Variants in KLF12 observed in about 807,000 individuals in gnomAD.
KLF12 encodes the protein Krueppel-like factor 12.
A neutral mutation model predicts 37.8 loss-of-function variants in KLF12; 9 were observed. The ratio of observed to expected loss-of-function variants is 0.24; its 90% confidence interval spans 0.14 to 0.42. KLF12 has a LOEUF of 0.42. Among genes scored for constraint, KLF12 ranks in the 10% least tolerant of loss-of-function variants. KLF12 has a pLI of 1.00. For missense variants in KLF12, 411 were observed against 516.0 expected (o/e 0.80, Z 1.97); for synonymous variants, 208 against 202.1 (o/e 1.03, Z -0.25).
Position 73,834,673 on chromosome 13 carries a change from G to A in KLF12, c.670+11154C>T, listed in dbSNP as rs549185012. 6.6e-5 allele frequency among the ~76,000 whole-genome samples: 10 copies of A among 152,234 alleles called. No homozygotes were observed. In the South Asian group the frequency reaches 1.7e-3, roughly 25 times the overall value. On this transcript the variant is annotated intron_variant, in intron 4 of 7. Coordinates refer to ENST00000377669, the MANE Select transcript of KLF12 (RefSeq NM_007249.5). ...TTACAAGGCGTATGCCACCATGCCCGGCTAATTTTTGTATTCTTCGTAGAG... is the reference window on the plus strand; with the variant it reads ...TTACAAGGCGTATGCCACCATGCCCAGCTAATTTTTGTATTCTTCGTAGAG...
chr13:73,807,789 C>T (rs898488902), intron 5 of KLF12, among the ~76,000 whole-genome samples: 1 of 152,132 alleles, frequency 6.6e-6, no homozygotes, highest in Non-Finnish European at 1.5e-5. Flanking sequence ...TCTTTTCCTC[C>T]ACCTTTCACC....
intron 1 of KLF12, among the ~76,000 whole-genome samples, chr13:74,108,234 T>C (rs920495751): frequency 1.3e-5 from 2 of 152,062 alleles, no homozygotes; most frequent in Non-Finnish European, 2.9e-5. Flanking sequence ...TTTGTCTAAA[T>C]AAACCATATA....
At chr13:74,056,697 C>A (rs749773672) in intron 1 of KLF12, among the ~76,000 whole-genome samples, 17 of 152,152 alleles carry the variant, frequency 1.1e-4, no homozygotes, top group Non-Finnish European at 2.2e-4. Context: ...TTACAGTAAA[C>A]CCCAACTCAT....
chr13:73,777,642 A>G (rs1417552349), intron 5 of KLF12, among the ~76,000 whole-genome samples: 1 of 151,750 alleles, frequency 6.6e-6, no homozygotes, highest in East Asian at 1.9e-4. Flanking sequence ...CGGTAGGCAG[A>G]GGTTGCGGTG....
intron 1 of KLF12, among the ~76,000 whole-genome samples, chr13:74,044,917 A>T (rs1445976986): frequency 6.6e-6 from 1 of 152,200 alleles, no homozygotes; most frequent in Non-Finnish European, 1.5e-5. Flanking sequence ...GCAACAAAAT[A>T]AAGTTGTACT....
At chr13:73,794,277 A>G (rs1490906882) in intron 5 of KLF12, among the ~76,000 whole-genome samples, 3 of 152,220 alleles carry the variant, frequency 2.0e-5, no homozygotes, top group Non-Finnish European at 2.9e-5. Flanking sequence ...CCTGGCCAAC[A>G]TGGCGAAACC....
intron 1 of KLF12, among the ~76,000 whole-genome samples, chr13:74,108,704 TAGAGA>T (rs1439826105): frequency 1.3e-5 from 2 of 152,138 alleles, no homozygotes; most frequent in South Asian, 2.1e-4. Flanking sequence ...TAAAGTAAAC[TAGAGA>T]AAAGTTATTT....
chr13:73,833,734 A>C (rs147170321), intron 4 of KLF12, among the ~76,000 whole-genome samples: 394 of 152,300 alleles, frequency 2.6e-3, no homozygotes, highest in Non-Finnish European at 4.5e-3. Context: ...TGTCACCTGA[A>C]GGGCCACGCA....
intron 7 of KLF12, among the ~76,000 whole-genome samples, chr13:73,697,195 T>G (rs961716403): frequency 1.1e-4 from 17 of 152,114 alleles, no homozygotes; most frequent in African/African-American, 3.9e-4. Flanking sequence ...ATGGGAAAAC[T>G]AGTCCAAACT....
intron 5 of KLF12, among the ~76,000 whole-genome samples, chr13:73,774,824 GTTA>G (rs781123043): frequency 4.1e-4 from 62 of 151,354 alleles, no homozygotes; most frequent in African/African-American, 8.5e-4. Context: ...TCATTCAACA[GTTA>G]TTATCAATAA....
At chr13:74,026,132 GA>G (rs1892970677) in intron 1 of KLF12, among the ~76,000 whole-genome samples, 1 of 142,914 alleles carries the variant, frequency 7.0e-6, no homozygotes, top group Admixed American at 7.1e-5. Context: ...TTCATTACAT[GA>G]AAAAATTAAC....
intron 6 of KLF12, among the ~76,000 whole-genome samples, chr13:73,720,758 C>T (rs891070456): frequency 1.4e-4 from 22 of 152,104 alleles, no homozygotes; most frequent in African/African-American, 3.4e-4. Flanking sequence ...AAATGGAAGG[C>T]GCCACATGGC....
chr13:73,769,745 A>ATTCAAATTC (rs1312666154), intron 5 of KLF12, among the ~76,000 whole-genome samples: 2 of 152,216 alleles, frequency 1.3e-5, no homozygotes, highest in East Asian at 1.9e-4. Flanking sequence ...TCAATTTCAA[A>ATTCAAATTC]AATGTTGGAA....
At chr13:74,012,675 T>G (rs1296963582) in intron 1 of KLF12, among the ~76,000 whole-genome samples, 1 of 152,224 alleles carries the variant, frequency 6.6e-6, no homozygotes, top group Non-Finnish European at 1.5e-5. Context: ...TGTTTTTCCT[T>G]AAGCATTCTT....
intron 4 of KLF12, among the ~76,000 whole-genome samples, chr13:73,815,447 G>A (rs747585925): frequency 1.7e-4 from 26 of 152,196 alleles, no homozygotes; most frequent in South Asian, 4.1e-4. Context: ...CTAAAGGAAC[G>A]TAGGATCCAG....
intron 3 of KLF12, among the ~76,000 whole-genome samples, chr13:73,894,841 T>C (rs1385215012): frequency 2.0e-5 from 3 of 152,188 alleles, no homozygotes; most frequent in African/African-American, 7.2e-5. Context: ...AAGTTCTATT[T>C]TTTAGTATTT....
chr13:74,075,438 G>A (rs1280420584), intron 1 of KLF12, among the ~76,000 whole-genome samples: 1 of 152,148 alleles, frequency 6.6e-6, no homozygotes, highest in Non-Finnish European at 1.5e-5. Flanking sequence ...ACTTAAATTG[G>A]CTAACTATTG....
intron 2 of KLF12, among the ~76,000 whole-genome samples, chr13:73,963,527 C>G (rs1891086497): frequency 6.6e-6 from 1 of 152,134 alleles, no homozygotes; most frequent in African/African-American, 2.4e-5. Flanking sequence ...TTAGGTTTTA[C>G]TACTTCCAAC....
chr13:74,174,335 CT>C, the KLF12 span, among the ~76,000 whole-genome samples: 197 of 133,096 alleles, frequency 1.5e-3, no homozygotes, highest in Middle Eastern at 7.8e-3. Context: ...TCTTTCTTTT[CT>C]TTTTTTTTTT....
Sources: gnomAD v4.1 joint callset for allele counts (sites outside exome capture counted in the v4.1 genomes callset) on GRCh38, gnomAD v4.1.1 for gene constraint, MANE v1.5 for transcripts, NCBI Gene and HGNC (gene_info 2026-07-23, HGNC 2026-07-21) for gene names.